The following UNC5B variants were observed in gnomAD, a reference collection of about 807,000 sequenced individuals.
UNC5B encodes the protein netrin receptor UNC5B.
A neutral mutation model predicts 103.7 loss-of-function variants in UNC5B; 56 were observed. That is an observed-to-expected ratio of 0.54 (90% CI 0.44 to 0.67). UNC5B has a LOEUF of 0.67. UNC5B is among the 30% of genes least tolerant of loss of function. UNC5B has a pLI of 0.00. For missense variants in UNC5B, 1,194 were observed against 1,284.5 expected, an observed-to-expected ratio of 0.93 and a Z score of 1.08; for synonymous variants, 577 against 542.0, an observed-to-expected ratio of 1.06 and a Z score of -0.90.
At chr10:71,294,381 C>A (rs1163077385) in intron 13 of UNC5B, among the ~76,000 whole-genome samples, 1 of 152,198 alleles carries the variant, frequency 6.6e-6, no homozygotes, top group East Asian at 1.9e-4. Context: ...GGGCAGGGCT[C>A]AGCTTCCCAG....
chr10:71,227,629 C>CACATAG lies in UNC5B; in HGVS notation c.79+14566_79+14567insCATAGA, dbSNP rs1564706946. On this transcript the variant is annotated intron_variant, in intron 1 of 16. Transcript: ENST00000335350. ...ATATATACATATATATACATATATA[C>CACATAG]ATATATATACACATATACATATATA... Among the ~76,000 whole-genome samples, 5 of 140,488 alleles carry CACATAG rather than the reference C, an allele frequency of 3.6e-5. No individual in the cohort carries two copies. The East Asian group carries it at 1.0e-3, about 28-fold the overall frequency. 92.2% of individuals were successfully genotyped at this position (140,488 alleles called of 152,430 possible).
chr10:71,224,165 C>T (rs112877485), intron 1 of UNC5B, among the ~76,000 whole-genome samples: 10 of 148,586 alleles, frequency 6.7e-5, no homozygotes, highest in South Asian at 2.2e-4. Context: ...GGCACAGTGA[C>T]CCCTGCTGCA....
chr10:71,290,880 C>CTG (rs3842239), intron 8 of UNC5B, 35 bp from the exon 9 acceptor site: 94,567 of 1,586,016 alleles, frequency 0.06, 3,647 homozygotes, highest in African/African-American at 0.16. Context: ...GGCCTGGTCT[C>CTG]TGCTGCCCCT....
Position 71,299,152 on chromosome 10 carries a change from G to A in UNC5B, c.2713G>A (p.Val905Met), listed in dbSNP as rs1401962744. 3.1e-6 allele frequency: 5 copies of A among 1,614,136 alleles called. No homozygotes were observed. The highest frequency in any genetic ancestry group is 4.2e-6 in the Non-Finnish European group (5 of 1,180,056). The change falls in exon 17 of 17, where the codon GTG becomes ATG. Residue 905 changes from valine to methionine, a missense_variant. By Grantham distance (21) the Val-to-Met change is conservative. Coordinates refer to ENST00000335350, the MANE Select transcript of UNC5B (RefSeq NM_170744.5). Reference sequence around the variant, plus strand: ...TGCCACCAAAGCGAGCCCCACGGGTGTGATCCTGGACCTCTGGGAAGCTCT... The same window carrying A: ...TGCCACCAAAGCGAGCCCCACGGGTATGATCCTGGACCTCTGGGAAGCTCT... ...YFATKASPTGVILDLWEALQQ... is the reference protein window; with the variant it reads ...YFATKASPTGMILDLWEALQQ...
At chr10:71,244,157 G>T (rs1843969453) in intron 1 of UNC5B, among the ~76,000 whole-genome samples, 1 of 152,240 alleles carries the variant, frequency 6.6e-6, no homozygotes, top group African/African-American at 2.4e-5. Flanking sequence ...TGCCCTCTTA[G>T]TCTCCTTGGA....
intron 1 of UNC5B, among the ~76,000 whole-genome samples, chr10:71,262,247 G>A (rs1048605615): frequency 1.3e-5 from 2 of 152,074 alleles, no homozygotes; most frequent in African/African-American, 4.8e-5. Flanking sequence ...GCTGGCACCC[G>A]ACACCCCCTC....
At position 71,294,499 on chromosome 10, in the gene UNC5B, T is replaced by G. The variant is rs1256086791; in HGVS notation, c.2175+566T>G. Among the ~76,000 whole-genome samples, 5 of 151,996 alleles carry G rather than the reference T, an allele frequency of 3.3e-5. No homozygotes were observed. The East Asian group carries it at 9.7e-4, about 30-fold the overall frequency. On this transcript the variant is annotated intron_variant, in intron 13 of 16. Coordinates refer to ENST00000335350, the MANE Select transcript of UNC5B (RefSeq NM_170744.5). ...GCTCTTTAGAAAGCCCCTGTGGCTATACTTGGGTGGGTAGATGAGAGGTGG... is the reference window on the plus strand; with the variant it reads ...GCTCTTTAGAAAGCCCCTGTGGCTAGACTTGGGTGGGTAGATGAGAGGTGG...
chr10:71,273,523 C>G (rs1175861605), intron 1 of UNC5B, among the ~76,000 whole-genome samples: 1 of 152,244 alleles, frequency 6.6e-6, no homozygotes, highest in East Asian at 1.9e-4. Flanking sequence ...GGTACAGTGT[C>G]TTTACATTTG....
chr10:71,221,452 G>A (rs1564704306), intron 1 of UNC5B, among the ~76,000 whole-genome samples: 1 of 152,222 alleles, frequency 6.6e-6, no homozygotes, highest in Non-Finnish European at 1.5e-5. Context: ...GGCCAATCTT[G>A]GGGGTTGGGG....
At chr10:71,216,210 T>C (rs1843326873) in intron 1 of UNC5B, among the ~76,000 whole-genome samples, 1 of 152,206 alleles carries the variant, frequency 6.6e-6, no homozygotes, top group African/African-American at 2.4e-5. Context: ...TTCTAGCTCC[T>C]TCATTCCATC....
In UNC5B at chr10:71,224,489, A is replaced by G. The variant is rs1035570480; in HGVS notation, c.79+11425A>G. ...TTCTTTTTTTTCTTTTTTTGGAAAT[A>G]AAAAACTGGATTCTAATCCTAGCCA... On this transcript the variant is annotated intron_variant, in intron 1 of 16. Coordinates refer to ENST00000335350, the MANE Select transcript of UNC5B (RefSeq NM_170744.5). 2.6e-5 allele frequency among the ~76,000 whole-genome samples: 4 copies of G among 152,122 alleles called. No individual in the cohort carries two copies. In the East Asian group the frequency reaches 7.7e-4, roughly 29 times the overall value.
chr10:71,237,869 G>A (rs944405895), intron 1 of UNC5B, among the ~76,000 whole-genome samples: 16 of 152,236 alleles, frequency 1.1e-4, no homozygotes, highest in African/African-American at 3.4e-4. Flanking sequence ...CATTGGTGAT[G>A]AGCCAGGTGA....
intron 10 of UNC5B, 44 bp downstream of exon 10, chr10:71,291,865 T>C: frequency 6.5e-7 from 1 of 1,546,456 alleles, no homozygotes; most frequent in East Asian, 2.3e-5. Flanking sequence ...CCTTAGCACC[T>C]CCTCTGTGGA....
intron 3 of UNC5B, 92 bp from the exon 4 acceptor site, chr10:71,285,234 G>A (rs1282035899): frequency 5.6e-5 from 73 of 1,310,750 alleles, no homozygotes; most frequent in Non-Finnish European, 7.4e-5. Context: ...AGTACCCTGG[G>A]TCTGCACTGC....
intron 13 of UNC5B, 124 bp from the exon 14 acceptor site, chr10:71,295,687 A>G (rs1845389237): frequency 8.7e-7 from 1 of 1,151,792 alleles, no homozygotes; most frequent in Non-Finnish European, 1.2e-6. Flanking sequence ...GCCCTCTGTG[A>G]GCTCTTGCAA....
Position 71,290,943 on chromosome 10 carries a change from G to C in UNC5B, c.1128G>C (p.Leu376=), listed in dbSNP as rs571048966. 3.1e-6 allele frequency: 5 copies of C among 1,613,724 alleles called. No individual in the cohort carries two copies. The highest frequency in any genetic ancestry group is 4.2e-6 in the Non-Finnish European group (5 of 1,179,994). The change falls in exon 9 of 17, where the codon CTG becomes CTC. Residue 376 remains leucine (L), a synonymous_variant. Coordinates refer to ENST00000335350, the MANE Select transcript of UNC5B (RefSeq NM_170744.5). The stretch of plus-strand genomic sequence containing the variant: ...TGGAGGCCTCAGGGGATGCGGCGCT[G>C]TATGCGGGGCTCGTGGTGGCCATCT... ...HLLEASGDAA[L]YAGLVVAIFV...
chr10:71,247,088 A>G (rs1009750887), intron 1 of UNC5B, among the ~76,000 whole-genome samples: 1 of 152,242 alleles, frequency 6.6e-6, no homozygotes, highest in Non-Finnish European at 1.5e-5. Context: ...GAGGAAGTGC[A>G]TGACCCAGGT....
intron 14 of UNC5B, 150 bp downstream of exon 14, chr10:71,296,110 T>G (rs1845405740): frequency 8.2e-6 from 10 of 1,213,006 alleles, no homozygotes. Context: ...CACCCCAGTC[T>G]CTAGGCTTTC....
intron 1 of UNC5B, among the ~76,000 whole-genome samples, chr10:71,248,988 T>C (rs1844112944): frequency 6.6e-6 from 1 of 152,172 alleles, no homozygotes; most frequent in Non-Finnish European, 1.5e-5. Context: ...TGTACACATA[T>C]GCTTGTATTT....
Sources: allele counts gnomAD v4.1 joint callset (sites outside exome capture counted in the v4.1 genomes callset), GRCh38; gene constraint gnomAD v4.1.1; transcripts MANE v1.5; gene names NCBI Gene and HGNC (gene_info 2026-07-23, HGNC 2026-07-21).